CCR5AS: variants seen among roughly 807,000 people sequenced by gnomAD.
The protein encoded by CCR5AS is CCR5 antisense RNA.
intron 3 of CCR5AS, among the ~76,000 whole-genome samples, chr3:46,367,919 C>T (rs913781687): frequency 6.6e-6 from 1 of 152,196 alleles, no homozygotes; most frequent in Non-Finnish European, 1.5e-5. Context: ...CTTTTTACAG[C>T]CCGTCTCACT....
rs747350753 is a variant in CCR5AS, at chr3:46,405,897, A to T, written n.163+1000T>A. The stretch of plus-strand genomic sequence containing the variant: ...CTTCTTCTTTTTTTTTTCCAGAGAC[A>T]GTGTCTCGCTCTGCCACCCAGGCCA... On this transcript the variant is annotated intron_variant and non_coding_transcript_variant, in intron 1 of 3. Transcript: ENST00000451485. Among the ~76,000 whole-genome samples the T allele has an allele frequency of 4.1e-5, 6 of 146,000 alleles. No homozygotes were observed. In the Admixed American group the frequency reaches 4.1e-4, roughly 10 times the overall value.
At position 46,402,916 on chromosome 3, in the gene CCR5AS, G is replaced by A. The variant is rs760612194; in HGVS notation, n.163+3981C>T. ...CGCCCTCCAGTCTCAAGTAGACCCC[G>A]GTGTCTGTTGTTCCCTTCTTTGAGT... is the stretch of plus-strand genomic sequence containing the variant. On this transcript the variant is annotated intron_variant and non_coding_transcript_variant, in intron 1 of 3. Transcript: ENST00000451485. Among the ~76,000 whole-genome samples the A allele has an allele frequency of 6.2e-4, 95 of 152,092 alleles. 1 individual carries two copies. Among genetic ancestry groups the A allele is most frequent in the African/African-American group, 2.2e-3 (93 of 41,490 alleles).
rs10567130 is a variant in CCR5AS, at chr3:46,404,327, C to CTT, written n.163+2568_163+2569dup. Among the ~76,000 whole-genome samples the CTT allele has an allele frequency of 3.3e-3, 249 of 75,922 alleles. 10 individuals are homozygous for CTT. The highest frequency in any genetic ancestry group is 0.016 in the African/African-American group (234 of 14,570). 49.8% of individuals were successfully genotyped at this position (75,922 alleles called of 152,430 possible). A position where few individuals can be genotyped will look rare whatever the true frequency, so the allele number is the denominator to read the frequency against. ...TCTCTCTCTCTCTCTCTCTCTCTCT[C>CTT]TTTTTTTTTTTTTTTTTTTTTTTTT... is the stretch of plus-strand genomic sequence containing the variant. On this transcript the variant is annotated intron_variant and non_coding_transcript_variant, in intron 1 of 3. Coordinates refer to ENST00000451485, the Ensembl canonical transcript of CCR5AS.
chr3:46,372,460 T>C (rs1701676281), intron 2 of CCR5AS, among the ~76,000 whole-genome samples: 1 of 152,084 alleles, frequency 6.6e-6, no homozygotes, highest in Non-Finnish European at 1.5e-5. Context: ...CCCGGGATGG[T>C]CCAGGCTGCA....
At chr3:46,373,297 A>C in intron 2 of CCR5AS, 2 of 1,614,160 alleles carry the variant, frequency 1.2e-6, no homozygotes, top group Non-Finnish European at 1.7e-6. Flanking sequence ...GCTGTCGTCC[A>C]TGCTGTGTTT....
intron 1 of CCR5AS, among the ~76,000 whole-genome samples, chr3:46,397,608 C>G (rs1186507242): frequency 6.6e-6 from 1 of 152,176 alleles, no homozygotes; most frequent in African/African-American, 2.4e-5. Context: ...CCACTAGACC[C>G]CATCAGGAGG....
intron 3 of CCR5AS, among the ~76,000 whole-genome samples, chr3:46,367,378 AAAAG>A (rs1248543141): frequency 2.0e-5 from 3 of 152,080 alleles, no homozygotes; most frequent in East Asian, 3.9e-4. Context: ...AAAAAAAAAA[AAAAG>A]AAGCCGCCTA....
At chr3:46,379,928 A>AT (rs1389119320) in intron 2 of CCR5AS, among the ~76,000 whole-genome samples, 1 of 151,012 alleles carries the variant, frequency 6.6e-6, no homozygotes, top group Non-Finnish European at 1.5e-5. Context: ...AAATAAATAA[A>AT]TAAATAAATA....
chr3:46,384,078 G>A (rs1483425239), intron 2 of CCR5AS, among the ~76,000 whole-genome samples: 9 of 152,150 alleles, frequency 5.9e-5, no homozygotes. Context: ...AAAAGAAAGA[G>A]AAAAAAGAAT....
chr3:46,383,446 C>G (rs900237870), intron 2 of CCR5AS, among the ~76,000 whole-genome samples: 3 of 152,084 alleles, frequency 2.0e-5, no homozygotes, highest in African/African-American at 7.2e-5. Flanking sequence ...GCTAGGTAAG[C>G]AAAACCCAAT....
intron 2 of CCR5AS, among the ~76,000 whole-genome samples, chr3:46,388,417 C>A (rs1701880867): frequency 6.6e-6 from 1 of 152,098 alleles, no homozygotes; most frequent in African/African-American, 2.4e-5. Context: ...AAACGGAAGA[C>A]ACAAGGTCTG....
chr3:46,371,099 A>G (rs1701655113), intron 3 of CCR5AS: 1 of 152,256 alleles, frequency 6.6e-6, no homozygotes, highest in Non-Finnish European at 1.5e-5. Context: ...TCATACAATT[A>G]TCTTAAAATA....
chr3:46,385,521 C>T (rs2106765118), intron 2 of CCR5AS, among the ~76,000 whole-genome samples: 1 of 152,242 alleles, frequency 6.6e-6, no homozygotes, highest in East Asian at 1.9e-4. Flanking sequence ...AATCACACAC[C>T]CACCAGGGCC....
intron 3 of CCR5AS, among the ~76,000 whole-genome samples, chr3:46,370,628 T>C (rs924325563): frequency 6.6e-6 from 1 of 152,238 alleles, no homozygotes; most frequent in Non-Finnish European, 1.5e-5. Context: ...TACTAAAATG[T>C]GGGCTTTTGA....
intron 3 of CCR5AS, among the ~76,000 whole-genome samples, chr3:46,368,110 A>G (rs186036825): frequency 6.6e-6 from 1 of 152,302 alleles, no homozygotes; most frequent in Admixed American, 6.5e-5. Flanking sequence ...TGGTGTGAGC[A>G]AGGAGACAGC....
chr3:46,379,438 T>A (rs1460121148), intron 2 of CCR5AS, among the ~76,000 whole-genome samples: 1 of 152,152 alleles, frequency 6.6e-6, no homozygotes, highest in Non-Finnish European at 1.5e-5. Flanking sequence ...GGTAAATTTC[T>A]TTATCATTCG....
chr3:46,365,647 G>A (rs1270500262), intron 3 of CCR5AS, among the ~76,000 whole-genome samples: 1 of 152,202 alleles, frequency 6.6e-6, no homozygotes, highest in East Asian at 1.9e-4. Context: ...GCCCCAGAGT[G>A]GCAGGCACAC....
chr3:46,383,702 G>A (rs184510333), intron 2 of CCR5AS, among the ~76,000 whole-genome samples: 1 of 152,226 alleles, frequency 6.6e-6, no homozygotes, highest in African/African-American at 2.4e-5. Context: ...ACTGGGCAGA[G>A]CTTCTGTCCT....
At chr3:46,373,073 C>T in intron 2 of CCR5AS, 1 of 1,614,186 alleles carries the variant, frequency 6.2e-7, no homozygotes, top group Non-Finnish European at 8.5e-7. Flanking sequence ...TCCTGATAAA[C>T]TGCAAAAGGC....
Sources: allele counts gnomAD v4.1 joint callset (sites outside exome capture counted in the v4.1 genomes callset), GRCh38; gene constraint gnomAD v4.1.1; transcripts MANE v1.5; gene names NCBI Gene and HGNC (gene_info 2026-07-23, HGNC 2026-07-21).